Variants in LRRC8D observed in about 807,000 individuals in gnomAD.
The protein encoded by LRRC8D is leucine rich repeat containing 8 VRAC subunit D.
LRRC8D carries 20 observed loss-of-function variants against 55.8 expected under a neutral mutation model. The observed-to-expected ratio is 0.36, with a 90% CI of 0.25 to 0.52. LRRC8D has a LOEUF of 0.52. Among genes scored for constraint, LRRC8D ranks in the 20% least tolerant of loss-of-function variants. The pLI is 0.93. For synonymous variants in LRRC8D, 352 were observed against 377.0 expected (o/e 0.93, Z 0.77); for missense variants, 651 against 1,030.8 (o/e 0.63, Z 5.05).
intron 2 of LRRC8D, among the ~76,000 whole-genome samples, chr1:89,858,386 T>C (rs536495096): frequency 6.6e-6 from 1 of 152,342 alleles, no homozygotes; most frequent in African/African-American, 2.4e-5. Flanking sequence ...TTGGTCCATC[T>C]GGATTTCAGG....
chr1:89,928,649 T>C (rs1170727823), intron 2 of LRRC8D, among the ~76,000 whole-genome samples: 1 of 152,118 alleles, frequency 6.6e-6, no homozygotes, highest in African/African-American at 2.4e-5. Flanking sequence ...TGTGTGAAGT[T>C]ACAGTACTCT....
At chr1:89,894,398 G>A (rs1022044285) in intron 2 of LRRC8D, among the ~76,000 whole-genome samples, 3 of 152,226 alleles carry the variant, frequency 2.0e-5, no homozygotes, top group African/African-American at 7.2e-5. Context: ...ACAAGGGTAT[G>A]AAGGGAAATG....
chr1:89,836,687 A>G (rs889837210), intron 1 of LRRC8D, among the ~76,000 whole-genome samples: 1 of 152,244 alleles, frequency 6.6e-6, no homozygotes, highest in Non-Finnish European at 1.5e-5. Flanking sequence ...TACTTAGTTC[A>G]GTCTTGGCAT....
intron 2 of LRRC8D, among the ~76,000 whole-genome samples, chr1:89,849,655 C>A (rs906564396): frequency 3.3e-5 from 5 of 152,008 alleles, no homozygotes; most frequent in African/African-American, 1.2e-4. Flanking sequence ...TTTAATTTCC[C>A]TTTTCCATGA....
intron 2 of LRRC8D, among the ~76,000 whole-genome samples, chr1:89,931,623 G>A (rs952748391): frequency 1.2e-4 from 18 of 152,154 alleles, no homozygotes; most frequent in African/African-American, 4.3e-4. Flanking sequence ...GGTGGGTGTG[G>A]TGGTGGATGC....
intron 2 of LRRC8D, among the ~76,000 whole-genome samples, chr1:89,909,842 G>A (rs1663088887): frequency 6.7e-6 from 1 of 150,264 alleles, no homozygotes; most frequent in African/African-American, 2.5e-5. Flanking sequence ...CTTCAGTCTG[G>A]GCAACAGAGC....
intron 2 of LRRC8D, among the ~76,000 whole-genome samples, chr1:89,844,080 G>T (rs998682810): frequency 8.5e-5 from 13 of 152,316 alleles, no homozygotes; most frequent in Admixed American, 3.3e-4. Context: ...AGTCTTCCTG[G>T]AGTCCCCAGC....
At chr1:89,908,659 C>G (rs1663055495) in intron 2 of LRRC8D, among the ~76,000 whole-genome samples, 2 of 152,176 alleles carry the variant, frequency 1.3e-5, no homozygotes, top group South Asian at 4.1e-4. Context: ...TTCATTTTAT[C>G]AAAATGCAGG....
In LRRC8D at chr1:89,860,785, A is replaced by T. The variant is rs6680963; in HGVS notation, c.-3+17003A>T. On this transcript the variant is annotated intron_variant, in intron 2 of 2. Coordinates refer to ENST00000337338, the MANE Select transcript of LRRC8D (RefSeq NM_001134479.2). The stretch of plus-strand genomic sequence containing the variant: ...AAAAAAAAAAAAAAAAAAAAAAAAA[A>T]ATATATATATATATATATATATATA... Among the ~76,000 whole-genome samples, 135 of 27,972 alleles carry T rather than the reference A, an allele frequency of 4.8e-3. 2 individuals are homozygous for T. Among genetic ancestry groups the T allele is most frequent in the Non-Finnish European group, 6.7e-3 (92 of 13,736 alleles). The allele number at this position is 27,972 out of a possible 152,430, so 18.4% of individuals were successfully genotyped here.
intron 2 of LRRC8D, among the ~76,000 whole-genome samples, chr1:89,853,852 C>A (rs767906635): frequency 1.3e-5 from 2 of 152,112 alleles, no homozygotes; most frequent in African/African-American, 4.8e-5. Context: ...AATGGAGAGA[C>A]AGCGAGAGAG....
At chr1:89,887,593 T>C (rs1662454477) in intron 2 of LRRC8D, among the ~76,000 whole-genome samples, 1 of 152,240 alleles carries the variant, frequency 6.6e-6, no homozygotes, top group Non-Finnish European at 1.5e-5. Context: ...AAACTAGTTA[T>C]CTTTCCCTGA....
chr1:89,843,677 G>A lies in LRRC8D; in HGVS notation c.-108G>A. ...TCTATAACGTGCTGCCGGGTCTCAGGATGGAGGAGTGAAGTCTCCTGTCGC... is the reference window on the plus strand; with the variant it reads ...TCTATAACGTGCTGCCGGGTCTCAGAATGGAGGAGTGAAGTCTCCTGTCGC... On this transcript the variant is annotated 5_prime_UTR_variant, in exon 2 of 3. Transcript: ENST00000337338. 1.4e-6 allele frequency: 1 copy of A among 702,352 alleles called. No individual in the cohort carries two copies. Among genetic ancestry groups the A allele is most frequent in the Non-Finnish European group, 2.6e-6 (1 of 384,852 alleles). The allele number at this position is 702,352 out of a possible 1,614,324, so 43.5% of individuals were successfully genotyped here.
At chr1:89,912,174 G>A (rs1197251330) in intron 2 of LRRC8D, among the ~76,000 whole-genome samples, 4 of 151,968 alleles carry the variant, frequency 2.6e-5, no homozygotes, top group Non-Finnish European at 1.5e-5. Flanking sequence ...GTTGACTATA[G>A]AGTAGTTTTC....
intron 1 of LRRC8D, among the ~76,000 whole-genome samples, chr1:89,822,357 C>T (rs958096661): frequency 6.6e-6 from 1 of 152,098 alleles, no homozygotes; most frequent in Non-Finnish European, 1.5e-5. Context: ...ACTGGGGAGT[C>T]CTAGCGGAAT....
chr1:89,848,712 T>A (rs1661339340), intron 2 of LRRC8D, among the ~76,000 whole-genome samples: 1 of 152,058 alleles, frequency 6.6e-6, no homozygotes, highest in African/African-American at 2.4e-5. Context: ...TTTGGGGTTT[T>A]TTTTTGAGAC....
chr1:89,928,718 G>A (rs1342002548), intron 2 of LRRC8D, among the ~76,000 whole-genome samples: 1 of 152,352 alleles, frequency 6.6e-6, no homozygotes, highest in East Asian at 1.9e-4. Flanking sequence ...CCACTGGGAA[G>A]GTGGACAGCC....
chr1:89,872,828 T>A (rs1375797057), intron 2 of LRRC8D, among the ~76,000 whole-genome samples: 1 of 152,114 alleles, frequency 6.6e-6, no homozygotes, highest in Non-Finnish European at 1.5e-5. Context: ...AGTACATGAT[T>A]AGTAATGTGT....
chr1:89,834,522 G>A lies in LRRC8D; in HGVS notation c.-147-9116G>A, dbSNP rs569612347. On this transcript the variant is annotated intron_variant, in intron 1 of 2. Coordinates refer to ENST00000337338, the MANE Select transcript of LRRC8D (RefSeq NM_001134479.2). ...TAACTAGCAGGGAGAGCTAAACTTC[G>A]ACCTAGGTCTCTTTCTCATCCACAA... Among the ~76,000 whole-genome samples, 8 of 152,320 alleles carry A rather than the reference G, an allele frequency of 5.3e-5. No homozygotes were observed. The South Asian group carries it at 1.2e-3, about 24-fold the overall frequency.
At chr1:89,917,476 C>G (rs1663304698) in intron 2 of LRRC8D, among the ~76,000 whole-genome samples, 1 of 152,202 alleles carries the variant, frequency 6.6e-6, no homozygotes, top group Non-Finnish European at 1.5e-5. Context: ...CATCATCTCA[C>G]ACTGCATGTT....
Sources: gnomAD v4.1 joint callset for allele counts (sites outside exome capture counted in the v4.1 genomes callset) on GRCh38, gnomAD v4.1.1 for gene constraint, MANE v1.5 for transcripts, NCBI Gene and HGNC (gene_info 2026-07-23, HGNC 2026-07-21) for gene names.